The following CDKL5 variants were observed in gnomAD, a reference collection of about 807,000 sequenced individuals.
CDKL5 encodes cyclin-dependent kinase-like 5.
Under a neutral mutation model 61.7 loss-of-function variants are expected in CDKL5, and 8 were observed. The observed-to-expected ratio is 0.13, with a 90% CI of 0.08 to 0.23. The LOEUF (loss-of-function observed/expected upper bound fraction) is 0.23. Among genes scored for constraint, CDKL5 ranks in the 10% least tolerant of loss-of-function variants. The pLI is 1.00. For missense variants in CDKL5, 440 were observed against 734.5 expected (o/e 0.60, Z 4.63); for synonymous variants, 275 against 272.3 (o/e 1.01, Z -0.10).
chrX:18,520,262 C>T lies in CDKL5; in HGVS notation c.99+9408C>T, dbSNP rs373541094. ...ATTTACCCCCCATTTTCCCTTGCCCCTGGCAACCACCAATCTGCTTTCTGT... is the reference window on the plus strand; with the variant it reads ...ATTTACCCCCCATTTTCCCTTGCCCTTGGCAACCACCAATCTGCTTTCTGT... On this transcript the variant is annotated intron_variant, in intron 3 of 17. Transcript: ENST00000623535. Among the ~76,000 whole-genome samples the T allele has an allele frequency of 4.5e-5, 5 of 112,286 alleles. No homozygotes were observed. In the East Asian group the frequency reaches 1.1e-3, roughly 25 times the overall value.
intron 5 of CDKL5, 106 bp downstream of exon 5, chrX:18,575,596 A>G (rs868299993): frequency 2.4e-5 from 17 of 715,212 alleles, no homozygotes; most frequent in Middle Eastern, 3.0e-4. Context: ...TTATCAATGT[A>G]CTCATAATCT....
At chrX:18,434,329 C>T (rs1931564927) in intron 1 of CDKL5, among the ~76,000 whole-genome samples, 1 of 111,667 alleles carries the variant, frequency 9.0e-6, no homozygotes, top group African/African-American at 3.3e-5. Flanking sequence ...TGGAAAGTGA[C>T]CCTTATATGT....
chrX:18,652,206 C>T (rs1176675987), intron 21 of CDKL5, among the ~76,000 whole-genome samples: 1 of 111,595 alleles, frequency 9.0e-6, no homozygotes. Context: ...CACACCATCG[C>T]CCCATCTTGG....
rs1039653435 is a variant in CDKL5, at chrX:18,532,776, G to A, written c.99+21922G>A. On this transcript the variant is annotated intron_variant, in intron 3 of 17. Coordinates refer to ENST00000623535, the MANE Select transcript of CDKL5 (RefSeq NM_001323289.2). ...CAAATTTGCATTTTGGTAGGCTTTA[G>A]TTCTTATCCTTGGATAACAGTTGTA... Among the ~76,000 whole-genome samples, 3 of 111,113 alleles carry A rather than the reference G, an allele frequency of 2.7e-5. No homozygotes were observed. The Admixed American group carries it at 2.9e-4, about 11-fold the overall frequency.
In CDKL5 at chrX:18,632,769, G is replaced by A. The variant is rs1927271492; in HGVS notation, c.*4012G>A. The A allele has an allele frequency of 3.8e-5, 29 of 753,602 alleles. No individual in the cohort carries two copies. The highest frequency in any genetic ancestry group is 4.5e-5 in the Non-Finnish European group (29 of 638,635). The allele number at this position is 753,602 out of a possible 1,213,427, so 62.1% of individuals were successfully genotyped here. On this transcript the variant is annotated 3_prime_UTR_variant, in exon 18 of 18. Transcript: ENST00000623535. ...CCAGTTTAGCATGTTCCTAATCTGA[G>A]AATTAGTGGACTATACTAGGAAATG...
chrX:18,631,876 C>G lies in CDKL5; in HGVS notation c.*3119C>G, dbSNP rs1927246628. On this transcript the variant is annotated 3_prime_UTR_variant, in exon 18 of 18. Coordinates refer to ENST00000623535, the MANE Select transcript of CDKL5 (RefSeq NM_001323289.2). ...GCTGAGGGGCTCAAGTGAGCTGACT[C>G]TACAACTGTGGTTCTCAACTAGGGG... 4.0e-6 allele frequency: 3 copies of G among 753,679 alleles called. No individual in the cohort carries two copies. The highest frequency in any genetic ancestry group is 4.7e-6 in the Non-Finnish European group (3 of 638,690). The allele number at this position is 753,679 out of a possible 1,213,427, so 62.1% of individuals were successfully genotyped here.
At chrX:18,437,797 C>T (rs1174991205) in intron 1 of CDKL5, among the ~76,000 whole-genome samples, 3 of 111,812 alleles carry the variant, frequency 2.7e-5, no homozygotes, top group Non-Finnish European at 5.6e-5. Context: ...TTTCTTTCTC[C>T]GACAATAAAT....
At chrX:18,583,554 A>G (rs1925548986) in intron 7 of CDKL5, among the ~76,000 whole-genome samples, 1 of 111,673 alleles carries the variant, frequency 9.0e-6, no homozygotes, top group Non-Finnish European at 1.9e-5. Context: ...CTTAATTTTA[A>G]TGTTCTGATT....
At position 18,609,444 on chromosome X, in the gene CDKL5, TA is replaced by T; in HGVS notation, c.2047-18del. 1.7e-6 allele frequency: 2 copies of T among 1,211,528 alleles called. No individual in the cohort carries two copies. Among genetic ancestry groups the T allele is most frequent in the Non-Finnish European group, 2.2e-6 (2 of 895,421 alleles). ...TCATCAATGTGTGGCTTAACTTTTA[TA>T]AATTTCTTTCCTGCCTCAGGGTGGA... is the stretch of plus-strand genomic sequence containing the variant. On this transcript the variant is annotated intron_variant, in intron 13 of 17. Transcript: ENST00000623535.
chrX:18,604,376 C>A lies in CDKL5; in HGVS notation c.1452C>A (p.Thr484=), dbSNP rs760623086. 4.1e-6 allele frequency: 5 copies of A among 1,209,515 alleles called. No homozygotes were observed. In the Admixed American group the frequency reaches 8.7e-5, roughly 21 times the overall value. The change falls in exon 12 of 18, where the codon ACC becomes ACA. Residue 484 remains threonine (T), a synonymous_variant. Coordinates refer to ENST00000623535, the MANE Select transcript of CDKL5 (RefSeq NM_001323289.2). ...PQSSRSPSYR[T]KAKSHGALSD... is the part of the protein sequence containing the mutation. ...CCTCTAGGAGTCCCTCCTACAGGAC[C>A]AAGGCCAAAAGCCATGGGGCACTGA... is the stretch of plus-strand genomic sequence containing the variant.
intron 2 of CDKL5, among the ~76,000 whole-genome samples, chrX:18,508,212 ACT>A (rs1054519785): frequency 8.9e-6 from 1 of 112,534 alleles, no homozygotes; most frequent in Non-Finnish European, 1.9e-5. Flanking sequence ...TTTCAAATAA[ACT>A]CTGAATTCCT....
chrX:18,609,360 C>T, intron 13 of CDKL5, 105 bp from the exon 14 acceptor site: 1 of 1,180,525 alleles, frequency 8.5e-7, no homozygotes, highest in Non-Finnish European at 1.1e-6. Context: ...TACTACTGCA[C>T]TACAGCCTGG....
chrX:18,425,636 G>A lies in CDKL5; in HGVS notation c.-222G>A, dbSNP rs1931341858. The stretch of plus-strand genomic sequence containing the variant: ...TGTCTCTGCCGCTGGGGAAGGTAAA[G>A]CGGCGACGGCGTCCTCAGGAGCTGT... On this transcript the variant is annotated 5_prime_UTR_variant, in exon 1 of 18. Transcript: ENST00000623535. 8.9e-6 allele frequency: 1 copy of A among 112,575 alleles called. No homozygotes were observed. Among genetic ancestry groups the A allele is most frequent in the South Asian group, 3.6e-4 (1 of 2,766 alleles). The allele number at this position is 112,575 out of a possible 1,213,427, so 9.3% of individuals were successfully genotyped here.
intron 1 of CDKL5, among the ~76,000 whole-genome samples, chrX:18,430,767 G>C (rs754331770): frequency 2.7e-5 from 3 of 111,276 alleles, no homozygotes; most frequent in Non-Finnish European, 5.7e-5. Flanking sequence ...TAATACAGAG[G>C]TTGGACTCTG....
At chrX:18,570,692 A>T (rs975845740) in intron 4 of CDKL5, among the ~76,000 whole-genome samples, 3 of 111,896 alleles carry the variant, frequency 2.7e-5, no homozygotes, top group African/African-American at 9.7e-5. Flanking sequence ...TTCTAAGCCC[A>T]CAGTTCTTTA....
intron 17 of CDKL5, among the ~76,000 whole-genome samples, chrX:18,626,187 C>T (rs769744675): frequency 2.7e-5 from 3 of 109,463 alleles, no homozygotes; most frequent in African/African-American, 1.0e-4. Context: ...CCCACCTCAG[C>T]CTCCCAAGTA....
intron 16 of CDKL5, among the ~76,000 whole-genome samples, chrX:18,620,918 C>T (rs1329652976): frequency 9.1e-6 from 1 of 110,078 alleles, no homozygotes; most frequent in Non-Finnish European, 1.9e-5. Flanking sequence ...TTTTGTATTT[C>T]TTGTAGAGAC....
At position 18,625,986 on chromosome X, in the gene CDKL5, C is replaced by T. The variant is rs189567818; in HGVS notation, c.2496+739C>T. On this transcript the variant is annotated intron_variant, in intron 17 of 17. Transcript: ENST00000623535. ...GCACTATAATTTCTGACAATCCTCC[C>T]GAGCTTTTGAGGCTATAGGATTACT... 7.2e-5 allele frequency among the ~76,000 whole-genome samples: 8 copies of T among 110,571 alleles called. No homozygotes were observed. In the East Asian group the frequency reaches 1.1e-3, roughly 16 times the overall value.
intron 1 of CDKL5, among the ~76,000 whole-genome samples, chrX:18,451,237 G>A (rs370564731): frequency 9.1e-4 from 102 of 111,656 alleles, no homozygotes; most frequent in African/African-American, 3.0e-3. Flanking sequence ...TGTTGCCCAG[G>A]CTAGAGTGCA....
Sources: gnomAD v4.1 joint callset for allele counts (sites outside exome capture counted in the v4.1 genomes callset) on GRCh38, gnomAD v4.1.1 for gene constraint, MANE v1.5 for transcripts, NCBI Gene and HGNC (gene_info 2026-07-23, HGNC 2026-07-21) for gene names.